The following ZFYVE9 variants were observed in gnomAD, a reference collection of about 807,000 sequenced individuals.
ZFYVE9 encodes zinc finger FYVE domain-containing protein 9.
In ZFYVE9, 43 loss-of-function variants were observed where a neutral mutation model predicts 126.7. The observed-to-expected ratio is 0.34, with a 90% CI of 0.27 to 0.44. The LOEUF (loss-of-function observed/expected upper bound fraction) is 0.44. Among genes scored for constraint, ZFYVE9 ranks in the 20% least tolerant of loss-of-function variants. The pLI, the probability that ZFYVE9 is intolerant of heterozygous loss-of-function variation, is 1.00. For synonymous variants in ZFYVE9, 521 were observed against 597.4 expected, an observed-to-expected ratio of 0.87 and a Z score of 1.87; for missense variants, 1,476 against 1,697.0, an observed-to-expected ratio of 0.87 and a Z score of 2.29.
chr1:52,301,520 T>G (rs977138267), intron 12 of ZFYVE9, among the ~76,000 whole-genome samples: 3 of 151,874 alleles, frequency 2.0e-5, no homozygotes, highest in African/African-American at 7.3e-5. Context: ...CTCAGACTGG[T>G]CTCCAACTCC....
chr1:52,143,459 AC>A (rs1644279863), intron 1 of ZFYVE9, among the ~76,000 whole-genome samples: 1 of 152,184 alleles, frequency 6.6e-6, no homozygotes, highest in African/African-American at 2.4e-5. Flanking sequence ...TACTTGCAAA[AC>A]TTTTATAATC....
chr1:52,157,065 C>A (rs554584868), intron 1 of ZFYVE9, among the ~76,000 whole-genome samples: 2 of 152,266 alleles, frequency 1.3e-5, no homozygotes, highest in East Asian at 3.9e-4. Context: ...ATCTCCTGAC[C>A]TCGTGATCCG....
intron 16 of ZFYVE9, among the ~76,000 whole-genome samples, chr1:52,339,269 T>G (rs1172283012): frequency 6.6e-6 from 1 of 152,098 alleles, no homozygotes; most frequent in African/African-American, 2.4e-5. Context: ...CTGTCATAAT[T>G]AGCAACTTGG....
chr1:52,206,743 T>G (rs1572100396), intron 1 of ZFYVE9, among the ~76,000 whole-genome samples: 1 of 152,224 alleles, frequency 6.6e-6, no homozygotes, highest in East Asian at 1.9e-4. Flanking sequence ...AGAGACGGGG[T>G]TTCGCCATGT....
intron 13 of ZFYVE9, 135 bp downstream of exon 13, chr1:52,304,060 A>T: frequency 2.1e-6 from 1 of 484,822 alleles, no homozygotes; most frequent in Non-Finnish European, 3.3e-6. Flanking sequence ...GGCTTAGTTC[A>T]ATTATGGGGA....
In ZFYVE9 at chr1:52,238,579, A is replaced by C; in HGVS notation, c.1162A>C (p.Asn388His). Reference protein sequence around the residue: ...EETLGTTEFLNMTEHFSESQD... With the variant: ...EETLGTTEFLHMTEHFSESQD... ...AACTCTTGGCACTACAGAATTCCTT[A>C]ATATGACAGAGCATTTCTCTGAATC... Residue 388 changes from asparagine (N) to histidine (H), a missense_variant, in exon 4 of 19, where the codon AAT (asparagine) becomes CAT (histidine). By Grantham distance (68) the Asn-to-His change is moderately conservative (BLOSUM62 1). Around this residue, in one of 2 missense-constraint regions of ZFYVE9, gnomAD observed 807 missense variants for 794.6 expected, o/e 1.02. Transcript: ENST00000287727. 1 of 1,614,096 alleles carries C rather than the reference A, an allele frequency of 6.2e-7. No homozygotes were observed. Among genetic ancestry groups the C allele is most frequent in the African/African-American group, 1.3e-5 (1 of 75,042 alleles).
At chr1:52,304,329 C>T (rs1646061788) in intron 13 of ZFYVE9, among the ~76,000 whole-genome samples, 1 of 152,042 alleles carries the variant, frequency 6.6e-6, no homozygotes, top group Admixed American at 6.6e-5. Flanking sequence ...ATGGTGTGAT[C>T]TCAGCTCACT....
chr1:52,170,770 A>G (rs530094856), intron 1 of ZFYVE9, among the ~76,000 whole-genome samples: 1 of 152,256 alleles, frequency 6.6e-6, no homozygotes, highest in Admixed American at 6.5e-5. Context: ...ATAGTTTCCA[A>G]AATTCCTCAT....
At chr1:52,232,362 G>T (rs1255443446) in intron 2 of ZFYVE9, among the ~76,000 whole-genome samples, 1 of 152,146 alleles carries the variant, frequency 6.6e-6, no homozygotes, top group Non-Finnish European at 1.5e-5. Flanking sequence ...TAGTGTATAT[G>T]CCCAAGGATG....
intron 12 of ZFYVE9, 108 bp from the exon 13 acceptor site, chr1:52,303,713 G>T: frequency 1.7e-6 from 1 of 597,156 alleles, no homozygotes; most frequent in Non-Finnish European, 2.7e-6. Context: ...TAAATAAATA[G>T]GATCTTTCAA....
rs771959814 is a variant in ZFYVE9 at position 52,274,564 on chromosome 1, T to A, written c.2726T>A (p.Ile909Asn). ...IPEDGLPPIL[I>N]STGVKGDYAV... Reference sequence around the variant, plus strand: ...GAAGATGGCCTTCCTCCCATTCTCATCTCCACTGGTGTAAAAGGAGGTAAG... The same window carrying A: ...GAAGATGGCCTTCCTCCCATTCTCAACTCCACTGGTGTAAAAGGAGGTAAG... Residue 909 changes from isoleucine to asparagine, a missense_variant, in exon 8 of 19, where the codon ATC (isoleucine) becomes AAC (asparagine). Transcript: ENST00000287727. 1.2e-6 allele frequency: 2 copies of A among 1,612,194 alleles called. No individual in the cohort carries two copies. The highest frequency in any genetic ancestry group is 1.7e-6 in the Non-Finnish European group (2 of 1,178,818).
chr1:52,204,159 C>A (rs1451374601), intron 1 of ZFYVE9, among the ~76,000 whole-genome samples: 1 of 151,460 alleles, frequency 6.6e-6, no homozygotes, highest in African/African-American at 2.4e-5. Flanking sequence ...AGAGGAACTG[C>A]TGAAAATAGG....
chr1:52,315,632 A>G (rs1365326499), intron 13 of ZFYVE9, among the ~76,000 whole-genome samples: 1 of 152,192 alleles, frequency 6.6e-6, no homozygotes, highest in Admixed American at 6.5e-5. Context: ...AAAAAAATCA[A>G]AATGGGTAGG....
intron 2 of ZFYVE9, among the ~76,000 whole-genome samples, chr1:52,231,673 G>A (rs1278504235): frequency 1.3e-5 from 2 of 151,906 alleles, no homozygotes; most frequent in Non-Finnish European, 2.9e-5. Flanking sequence ...GCCCAGGCTG[G>A]AGTGCAGTGG....
intron 1 of ZFYVE9, among the ~76,000 whole-genome samples, chr1:52,158,805 A>ATT (rs112587594): frequency 1.4e-5 from 2 of 140,650 alleles, no homozygotes; most frequent in Admixed American, 7.2e-5. Context: ...TTGTTCTTGT[A>ATT]TTTTTTTTTT....
At chr1:52,287,404 TG>T (rs1161371491) in intron 10 of ZFYVE9, among the ~76,000 whole-genome samples, 2 of 152,154 alleles carry the variant, frequency 1.3e-5, no homozygotes, top group East Asian at 3.9e-4. Context: ...TGAGCCACCA[TG>T]CAGTCTAATC....
chr1:52,298,602 T>C (rs1195185153), intron 12 of ZFYVE9, among the ~76,000 whole-genome samples: 1 of 152,194 alleles, frequency 6.6e-6, no homozygotes, highest in Non-Finnish European at 1.5e-5. Context: ...TTCTTTTTGC[T>C]CAGGACTGTT....
chr1:52,293,908 A>T (rs189029552), intron 11 of ZFYVE9, among the ~76,000 whole-genome samples: 37 of 152,370 alleles, frequency 2.4e-4, no homozygotes, highest in African/African-American at 8.2e-4. Flanking sequence ...GTTCATTGAT[A>T]AAAAACACGA....
At chr1:52,169,203 C>T (rs1388265517) in intron 1 of ZFYVE9, among the ~76,000 whole-genome samples, 1 of 151,890 alleles carries the variant, frequency 6.6e-6, no homozygotes, top group African/African-American at 2.4e-5. Context: ...GAGTTTGAGA[C>T]CAGCATGGGC....
Sources: gnomAD v4.1 joint callset for allele counts (sites outside exome capture counted in the v4.1 genomes callset) on GRCh38, gnomAD v4.1.1 for gene constraint, gnomAD v4.1.1 regional missense constraint, MANE v1.5 for transcripts, NCBI Gene and HGNC (gene_info 2026-07-23, HGNC 2026-07-21) for gene names.